WDFY4: variants seen among roughly 807,000 people sequenced by gnomAD.
WDFY4 encodes WDFY family member 4, also known as WD repeat- and FYVE domain-containing protein 4.
WDFY4 carries 169 observed loss-of-function variants against 351.9 expected under a neutral mutation model. That is an observed-to-expected ratio of 0.48 (90% CI 0.42 to 0.55). The LOEUF is 0.55. Ranked by LOEUF, WDFY4 falls within the 20% of genes least tolerant of loss-of-function variation. The probability of loss-of-function intolerance (pLI) is 0.00; values close to 1 mark genes in which losing one functional copy is unlikely to be tolerated. For synonymous variants in WDFY4, 1,622 were observed against 1,574.6 expected (o/e 1.03, Z -0.71); for missense variants, 3,803 against 3,935.6 (o/e 0.97, Z 0.90).
chr10:48,966,182 G>T (rs545832447), intron 54 of WDFY4, among the ~76,000 whole-genome samples: 1 of 152,156 alleles, frequency 6.6e-6, no homozygotes, highest in African/African-American at 2.4e-5. Flanking sequence ...TCTAGGGAAC[G>T]AAGAGGGTCA....
At chr10:48,727,736 C>T in intron 7 of WDFY4, 77 bp downstream of exon 7, 1 of 1,492,742 alleles carries the variant, frequency 6.7e-7, no homozygotes, top group South Asian at 1.3e-5. Context: ...GGGTGCTTTG[C>T]AGAAAAATAG....
At chr10:48,814,912 T>C (rs553063475) in intron 31 of WDFY4, among the ~76,000 whole-genome samples, 113 of 152,350 alleles carry the variant, frequency 7.4e-4, no homozygotes, top group African/African-American at 2.3e-3. Context: ...TTTGCCTTTT[T>C]TTCCTCAATA....
Position 48,976,949 on chromosome 10 carries a change from C to A in WDFY4, c.9261C>A (p.Ile3087=). The change falls in exon 59 of 62, where the codon ATC becomes ATA. Residue 3087 remains isoleucine, a synonymous_variant. Transcript: ENST00000325239. ...EGPAWDTSQI[I]ITGSQDGMVR... ...CAGCATGGGACACAAGCCAGATCAT[C>A]ATCACCGGGAGTCAAGACGGCATGG... The A allele has an allele frequency of 6.7e-7, 1 of 1,499,302 alleles. No homozygotes were observed. The highest frequency in any genetic ancestry group is 8.9e-7 in the Non-Finnish European group (1 of 1,118,168). 92.9% of individuals were successfully genotyped at this position (1,499,302 alleles called of 1,614,324 possible).
chr10:48,704,160 A>G (rs1049461768), intron 1 of WDFY4, among the ~76,000 whole-genome samples: 9 of 152,138 alleles, frequency 5.9e-5, no homozygotes, highest in African/African-American at 2.2e-4. Flanking sequence ...CAGGAAGGGC[A>G]GAGAGGGACT....
chr10:48,687,986 T>C (rs1369611024), intron 1 of WDFY4, among the ~76,000 whole-genome samples: 1 of 152,174 alleles, frequency 6.6e-6, no homozygotes, highest in Non-Finnish European at 1.5e-5. Context: ...TTTCACTGTG[T>C]TGGTCAGGCT....
At chr10:48,790,066 AGTG>A in intron 22 of WDFY4, 81 bp downstream of exon 22, 1 of 1,372,026 alleles carries the variant, frequency 7.3e-7, no homozygotes, top group Admixed American at 2.0e-5. Flanking sequence ...GGAGTTCTGG[AGTG>A]GTGGACAGGA....
Position 48,981,451 on chromosome 10 carries a change from C to A in WDFY4, c.9461C>A (p.Pro3154His), listed in dbSNP as rs751724409. ...ALTGKPSKTSPAVTALAVSRN... is the reference protein window; with the variant it reads ...ALTGKPSKTSHAVTALAVSRN... ...ACAGGGAAGCCCAGCAAAACCAGCCCCGCAGTGACTGCTCTGGCCGTGTCC... is the reference window on the plus strand; with the variant it reads ...ACAGGGAAGCCCAGCAAAACCAGCCACGCAGTGACTGCTCTGGCCGTGTCC... The change falls in exon 61 of 62, where the codon CCC becomes CAC. Residue 3154 changes from proline (P) to histidine (H), a missense_variant. Pro to His is a moderately conservative substitution (Grantham distance 77). Transcript: ENST00000325239. The A allele has an allele frequency of 3.2e-5, 49 of 1,551,574 alleles. 1 individual carries two copies. In the South Asian group the frequency reaches 5.7e-4, roughly 18 times the overall value.
Position 48,810,429 on chromosome 10 carries a change from G to A in WDFY4, c.4839-101G>A, listed in dbSNP as rs2940732. ...TAATAAGTGATGTTAACCTTAACTTGCCTCTCCTTGGTGACTTGTAAGGCT... is the reference window on the plus strand; with the variant it reads ...TAATAAGTGATGTTAACCTTAACTTACCTCTCCTTGGTGACTTGTAAGGCT... On this transcript the variant is annotated intron_variant, in intron 28 of 61. Transcript: ENST00000325239. The A allele has an allele frequency of 9.1e-3, 10,067 of 1,106,654 alleles. 707 individuals carry two copies. In the African/African-American group the frequency reaches 0.14, roughly 16 times the overall value. 68.6% of individuals were successfully genotyped at this position (1,106,654 alleles called of 1,614,324 possible).
At chr10:48,783,423 A>G (rs1028126075) in intron 19 of WDFY4, among the ~76,000 whole-genome samples, 1 of 151,948 alleles carries the variant, frequency 6.6e-6, no homozygotes, top group Non-Finnish European at 1.5e-5. Context: ...ATCCAAGGAT[A>G]TGGAACCCCC....
rs1216524859 is a variant in WDFY4, at chr10:48,877,296, A to G, written c.7167+97A>G. ...CAAGCTTTCGCCACTTACATGGGGA[A>G]TGAGATCTCCATTTGCTATGAAAAC... is the stretch of plus-strand genomic sequence containing the variant. On this transcript the variant is annotated intron_variant, in intron 43 of 61. Transcript: ENST00000325239. 129 of 1,099,398 alleles carry G rather than the reference A, an allele frequency of 1.2e-4. No homozygotes were observed. The East Asian group carries it at 3.0e-3, about 26-fold the overall frequency. 68.1% of individuals were successfully genotyped at this position (1,099,398 alleles called of 1,614,324 possible). A position where few individuals can be genotyped will look rare whatever the true frequency, so the allele number is the denominator to read the frequency against.
At chr10:48,946,190 G>C (rs1019757728) in intron 50 of WDFY4, 33 bp downstream of exon 50, 5 of 1,471,088 alleles carry the variant, frequency 3.4e-6, no homozygotes, top group Non-Finnish European at 3.7e-6. Flanking sequence ...TTGGTGCAGT[G>C]TTATTCATCG....
chr10:48,966,426 T>TG (rs1346348733), intron 54 of WDFY4, 100 bp from the exon 55 acceptor site: 4 of 1,341,724 alleles, frequency 3.0e-6, no homozygotes, highest in Non-Finnish European at 4.0e-6. Flanking sequence ...AGCCGAGCTG[T>TG]GGCAACCCCC....
intron 39 of WDFY4, among the ~76,000 whole-genome samples, chr10:48,864,988 A>G (rs1258108151): frequency 6.6e-6 from 1 of 152,188 alleles, no homozygotes; most frequent in Non-Finnish European, 1.5e-5. Flanking sequence ...TTTTCTATAT[A>G]TAGAATCCTG....
At chr10:48,768,449 C>T (rs994776127) in intron 13 of WDFY4, among the ~76,000 whole-genome samples, 4 of 152,320 alleles carry the variant, frequency 2.6e-5, no homozygotes, top group Admixed American at 2.6e-4. Flanking sequence ...ACCTGCCCCG[C>T]CTTCACATGT....
chr10:48,792,728 T>C (rs1466187496), intron 23 of WDFY4, among the ~76,000 whole-genome samples: 1 of 152,160 alleles, frequency 6.6e-6, no homozygotes, highest in African/African-American at 2.4e-5. Flanking sequence ...TAAATAAAAA[T>C]GCAATCGGTG....
At chr10:48,833,203 G>A (rs1302972287) in intron 39 of WDFY4, among the ~76,000 whole-genome samples, 1 of 144,680 alleles carries the variant, frequency 6.9e-6, no homozygotes, top group Non-Finnish European at 1.5e-5. Flanking sequence ...GAGAGATCAG[G>A]AACGTTGTTG....
intron 18 of WDFY4, among the ~76,000 whole-genome samples, chr10:48,779,496 C>T (rs1039941810): frequency 3.3e-5 from 5 of 152,152 alleles, no homozygotes; most frequent in Non-Finnish European, 5.9e-5. Context: ...ACAGTGGAAG[C>T]GGCTGACACC....
Position 48,753,129 on chromosome 10 carries a change from A to C in WDFY4, c.2460-7218A>C, listed in dbSNP as rs143977282. Among the ~76,000 whole-genome samples the C allele has an allele frequency of 9.5e-3, 1,438 of 152,126 alleles. 26 individuals are homozygous for C. Among genetic ancestry groups the C allele is most frequent in the African/African-American group, 0.033 (1,386 of 41,488 alleles). ...TTTCTCTAATGGCTAATAATGTTGA[A>C]TTTTTTTATGTGCTTTTTGGCCATT... On this transcript the variant is annotated intron_variant, in intron 12 of 61. Transcript: ENST00000325239.
At chr10:48,804,793 G>A (rs2067198912) in intron 25 of WDFY4, 1 of 984,676 alleles carries the variant, frequency 1.0e-6, no homozygotes, top group African/African-American at 1.7e-5. Context: ...ATGGATAGGT[G>A]GATTCTGTCT....
Sources: allele counts gnomAD v4.1 joint callset (sites outside exome capture counted in the v4.1 genomes callset), GRCh38; gene constraint gnomAD v4.1.1; transcripts MANE v1.5; gene names NCBI Gene and HGNC (gene_info 2026-07-23, HGNC 2026-07-21).